Variants in HSF5 observed in about 807,000 individuals in gnomAD.
The protein encoded by HSF5 is heat shock factor protein 5.
A neutral mutation model predicts 50.8 loss-of-function variants in HSF5; 5 were observed. The ratio of observed to expected loss-of-function variants is 0.10; its 90% CI spans 0.05 to 0.21. HSF5 has a LOEUF of 0.21. HSF5 is among the 10% of genes least tolerant of loss of function. HSF5 has a pLI of 1.00. For synonymous variants in HSF5, 307 were observed against 307.4 expected, an observed-to-expected ratio of 1.00 and a Z score of 0.02; for missense variants, 564 against 762.6, an observed-to-expected ratio of 0.74 and a Z score of 3.07.
intron 4 of HSF5, 132 bp from the exon 5 acceptor site, chr17:58,459,077 T>G: frequency 1.4e-6 from 1 of 735,556 alleles, no homozygotes; most frequent in Admixed American, 2.5e-5. Context: ...TTCATTCTTA[T>G]TATTGATACT....
At chr17:58,440,903 C>A (rs1403930976) in intron 5 of HSF5, among the ~76,000 whole-genome samples, 5 of 151,528 alleles carry the variant, frequency 3.3e-5, no homozygotes, top group Admixed American at 2.6e-4. Context: ...AGAAATAACT[C>A]AAAAAGGAAA....
intron 5 of HSF5, among the ~76,000 whole-genome samples, chr17:58,454,079 TGAGA>T (rs1974676079): frequency 6.6e-6 from 1 of 151,936 alleles, no homozygotes; most frequent in African/African-American, 2.4e-5. Context: ...GGTGACAGAG[TGAGA>T]CTCTGTCACA....
chr17:58,462,505 A>G (rs1489913102), intron 4 of HSF5, among the ~76,000 whole-genome samples: 3 of 152,230 alleles, frequency 2.0e-5, no homozygotes, highest in Non-Finnish European at 4.4e-5. Context: ...TGTTTATAAC[A>G]TGAAAATAAG....
At chr17:58,477,616 C>A (rs1415712556) in intron 2 of HSF5, among the ~76,000 whole-genome samples, 1 of 151,878 alleles carries the variant, frequency 6.6e-6, no homozygotes, top group East Asian at 1.9e-4. Context: ...CCCGTCACCA[C>A]ACCCAGCTAA....
At chr17:58,451,617 A>G (rs1312510058) in intron 5 of HSF5, among the ~76,000 whole-genome samples, 1 of 152,198 alleles carries the variant, frequency 6.6e-6, no homozygotes, top group East Asian at 1.9e-4. Flanking sequence ...TTAAAAAGAA[A>G]ATTTAAAAAT....
At chr17:58,442,957 G>C (rs767074777) in intron 5 of HSF5, among the ~76,000 whole-genome samples, 1 of 151,532 alleles carries the variant, frequency 6.6e-6, no homozygotes, top group African/African-American at 2.4e-5. Context: ...GCCCAGGCTA[G>C]AGTGCAGTGG....
At chr17:58,483,991 A>G (rs1002555925) in intron 1 of HSF5, among the ~76,000 whole-genome samples, 5 of 152,204 alleles carry the variant, frequency 3.3e-5, no homozygotes, top group African/African-American at 9.6e-5. Flanking sequence ...GGAAAAGTAG[A>G]AGAGCCAAGG....
At chr17:58,457,976 T>C (rs1974736143) in intron 5 of HSF5, among the ~76,000 whole-genome samples, 1 of 152,242 alleles carries the variant, frequency 6.6e-6, no homozygotes, top group Admixed American at 6.5e-5. Flanking sequence ...TAATTTACTT[T>C]TTGGAAAAAT....
In HSF5 at chr17:58,476,373, T is replaced by C. The variant is rs761907076; in HGVS notation, c.925+3520A>G. On this transcript the variant is annotated intron_variant, in intron 2 of 5. Transcript: ENST00000323777. The stretch of plus-strand genomic sequence containing the variant: ...TACCTGCATCAGAATGGTCAGTAAA[T>C]CAGGTAAAGAAGCTCCCTGGTTCCT... 326 of 1,076,892 alleles carry C rather than the reference T, an allele frequency of 3.0e-4. 1 individual carries two copies. The highest frequency in any genetic ancestry group is 3.4e-4 in the Non-Finnish European group (234 of 696,164). The allele number at this position is 1,076,892 out of a possible 1,614,324, so 66.7% of individuals were successfully genotyped here.
chr17:58,478,298 T>C (rs911801802), intron 2 of HSF5, among the ~76,000 whole-genome samples: 58 of 145,700 alleles, frequency 4.0e-4, no homozygotes, highest in African/African-American at 1.4e-3. Context: ...TATATATATA[T>C]ATACACACAC....
intron 1 of HSF5, among the ~76,000 whole-genome samples, chr17:58,483,432 T>C (rs1975127756): frequency 6.6e-6 from 1 of 152,224 alleles, no homozygotes; most frequent in African/African-American, 2.4e-5. Context: ...AGGGCTCAAT[T>C]CAGATCAACA....
intron 5 of HSF5, among the ~76,000 whole-genome samples, chr17:58,433,930 T>TTTTTTTTTC (rs1974394296): frequency 6.7e-6 from 1 of 150,012 alleles, no homozygotes; most frequent in East Asian, 2.0e-4. Flanking sequence ...TTTTTTTTTT[T>TTTTTTTTTC]TAGATGGAGC....
intron 5 of HSF5, among the ~76,000 whole-genome samples, chr17:58,424,103 AC>A (rs1212751360): frequency 2.0e-5 from 3 of 152,186 alleles, no homozygotes; most frequent in African/African-American, 7.2e-5. Flanking sequence ...GCCATATAGA[AC>A]AAGTAATTTA....
chr17:58,429,124 G>A (rs192009181), intron 5 of HSF5, among the ~76,000 whole-genome samples: 1 of 152,294 alleles, frequency 6.6e-6, no homozygotes, highest in Admixed American at 6.5e-5. Flanking sequence ...ATTATGCTTA[G>A]TAAAGTAAGT....
chr17:58,469,547 T>C (rs1974917925), intron 2 of HSF5, among the ~76,000 whole-genome samples: 1 of 152,238 alleles, frequency 6.6e-6, no homozygotes, highest in Non-Finnish European at 1.5e-5. Context: ...CTTACCACTG[T>C]AGTCCTATTT....
In HSF5 at chr17:58,458,888, G is replaced by C. The variant is rs758014403; in HGVS notation, c.1600C>G (p.Gln534Glu). 1 of 1,613,994 alleles carries C rather than the reference G, an allele frequency of 6.2e-7. No individual in the cohort carries two copies. ...SSRENILPSE[Q>E]MGFLISEMGP... ...ATTTCTGAAATGAGGAATCCCATCT[G>C]TTCTGACGGCAAGATATTCTCACGT... The change falls in exon 5 of 6, where the codon CAG (glutamine) becomes GAG (glutamate). Residue 534 changes from glutamine to glutamate, a missense_variant. Gln to Glu is a conservative substitution (Grantham distance 29). Coordinates refer to ENST00000323777, the MANE Select transcript of HSF5 (RefSeq NM_001080439.3).
chr17:58,454,034 C>T (rs1252607713), intron 5 of HSF5, among the ~76,000 whole-genome samples: 2 of 152,028 alleles, frequency 1.3e-5, no homozygotes, highest in African/African-American at 4.8e-5. Context: ...GCAGAGGTTG[C>T]AGTGAGCCGA....
chr17:58,470,898 C>T (rs938713149), intron 2 of HSF5, among the ~76,000 whole-genome samples: 8 of 152,200 alleles, frequency 5.3e-5, no homozygotes, highest in African/African-American at 1.9e-4. Flanking sequence ...TGCACTCCAG[C>T]CTGGGTGACA....
intron 3 of HSF5, among the ~76,000 whole-genome samples, chr17:58,466,643 T>C (rs543809699): frequency 6.6e-6 from 1 of 152,322 alleles, no homozygotes; most frequent in Non-Finnish European, 1.5e-5. Flanking sequence ...TAATTTTAAT[T>C]AGCTTAAATA....
Sources: allele counts gnomAD v4.1 joint callset (sites outside exome capture counted in the v4.1 genomes callset), GRCh38; gene constraint gnomAD v4.1.1; transcripts MANE v1.5; gene names NCBI Gene and HGNC (gene_info 2026-07-23, HGNC 2026-07-21).